Variants in MCTP1 observed in about 807,000 individuals in gnomAD.
MCTP1 encodes multiple C2 and transmembrane domain-containing protein 1.
Under a neutral mutation model 120.6 loss-of-function variants are expected in MCTP1, and 69 were observed. That is an observed-to-expected ratio of 0.57 (90% CI 0.47 to 0.70). The LOEUF (loss-of-function observed/expected upper bound fraction) is 0.70, where lower values mean the gene tolerates loss of function less well. MCTP1 is among the 30% of genes least tolerant of loss of function. The probability of loss-of-function intolerance (pLI) is 0.00; values close to 1 mark genes in which losing one functional copy is unlikely to be tolerated. For synonymous variants in MCTP1, 529 were observed against 493.1 expected, an observed-to-expected ratio of 1.07 and a Z score of -0.96; for missense variants, 1,203 against 1,248.8, an observed-to-expected ratio of 0.96 and a Z score of 0.55.
chr5:95,045,068 C>T (rs944247788), intron 1 of MCTP1, among the ~76,000 whole-genome samples: 23 of 152,168 alleles, frequency 1.5e-4, no homozygotes, highest in Admixed American at 2.6e-4. Context: ...TCCAATTTCA[C>T]CTCCAGCTAC....
intron 1 of MCTP1, among the ~76,000 whole-genome samples, chr5:95,058,299 T>A (rs1450001636): frequency 6.6e-6 from 1 of 152,240 alleles, no homozygotes; most frequent in Non-Finnish European, 1.5e-5. Flanking sequence ...TTGTGTAAAC[T>A]GTTGCATAGA....
At chr5:94,744,063 C>T (rs949672654) in intron 19 of MCTP1, among the ~76,000 whole-genome samples, 3 of 152,040 alleles carry the variant, frequency 2.0e-5, no homozygotes, top group African/African-American at 4.8e-5. Context: ...CTCTGCTTCC[C>T]GGGCTCAAGT....
chr5:94,945,034 T>TC (rs1561900191), intron 3 of MCTP1, among the ~76,000 whole-genome samples: 2 of 152,078 alleles, frequency 1.3e-5, no homozygotes, highest in African/African-American at 4.8e-5. Context: ...CATGTTATTT[T>TC]CCCCCCAAAT....
At chr5:94,712,877 G>A (rs921603980) in intron 20 of MCTP1, among the ~76,000 whole-genome samples, 2 of 151,970 alleles carry the variant, frequency 1.3e-5, no homozygotes, top group African/African-American at 4.8e-5. Flanking sequence ...TCTTCACTCA[G>A]AAAACCTTCC....
At chr5:94,955,148 C>T (rs944364784) in intron 2 of MCTP1, among the ~76,000 whole-genome samples, 2 of 152,046 alleles carry the variant, frequency 1.3e-5, no homozygotes, top group Non-Finnish European at 2.9e-5. Context: ...ACTGCCTCAC[C>T]CAGGAAGTGC....
At chr5:94,837,659 G>A (rs1215457135) in intron 17 of MCTP1, among the ~76,000 whole-genome samples, 1 of 152,158 alleles carries the variant, frequency 6.6e-6, no homozygotes, top group Admixed American at 6.5e-5. Context: ...CACAAATCTG[G>A]AGCTAGTTTT....
intron 1 of MCTP1, among the ~76,000 whole-genome samples, chr5:95,143,148 A>T (rs1192356089): frequency 6.6e-6 from 1 of 152,174 alleles, no homozygotes; most frequent in Non-Finnish European, 1.5e-5. Context: ...GCCCACCATG[A>T]AGCCCTGCTC....
At chr5:94,868,271 A>G in intron 17 of MCTP1, 62 bp downstream of exon 17, 1 of 1,445,834 alleles carries the variant, frequency 6.9e-7, no homozygotes, top group Non-Finnish European at 9.2e-7. Context: ...AGCCACAGAA[A>G]CATGCAGCTA....
rs533666404 is a variant in MCTP1 at position 95,132,904 on chromosome 5, G to A, written c.721-115420C>T. Among the ~76,000 whole-genome samples the A allele has an allele frequency of 1.4e-4, 22 of 152,286 alleles. 1 individual carries two copies. The South Asian group carries it at 4.1e-3, about 29-fold the overall frequency. ...TGTTTTGATCACCATAGTCCCTCAA[G>A]TTCCTAGTGCTGACCCCTCGCTCAA... On this transcript the variant is annotated intron_variant, in intron 1 of 22. Coordinates refer to ENST00000515393, the MANE Select transcript of MCTP1 (RefSeq NM_024717.7).
At chr5:95,079,125 A>G (rs1430457168) in intron 1 of MCTP1, among the ~76,000 whole-genome samples, 2 of 152,286 alleles carry the variant, frequency 1.3e-5, no homozygotes, top group Non-Finnish European at 2.9e-5. Flanking sequence ...TTAAAACCCA[A>G]CAAACCATCT....
intron 19 of MCTP1, among the ~76,000 whole-genome samples, chr5:94,722,854 T>C (rs759131877): frequency 6.6e-6 from 1 of 152,180 alleles, no homozygotes; most frequent in Non-Finnish European, 1.5e-5. Flanking sequence ...GTTTGGAATA[T>C]GTTTATGTTT....
chr5:95,128,601 T>A (rs925870012), intron 1 of MCTP1, among the ~76,000 whole-genome samples: 2 of 152,192 alleles, frequency 1.3e-5, no homozygotes, highest in Non-Finnish European at 2.9e-5. Flanking sequence ...TCCATTTGTA[T>A]GAAATATTCA....
intron 1 of MCTP1, among the ~76,000 whole-genome samples, chr5:95,090,350 A>G (rs959336077): frequency 1.3e-5 from 2 of 152,192 alleles, no homozygotes; most frequent in African/African-American, 4.8e-5. Flanking sequence ...TCTGTCAGCA[A>G]ATCAATTAGC....
intron 1 of MCTP1, among the ~76,000 whole-genome samples, chr5:95,244,325 G>C (rs1344982504): frequency 6.6e-6 from 1 of 152,206 alleles, no homozygotes; most frequent in Non-Finnish European, 1.5e-5. Flanking sequence ...CATTGGGACT[G>C]GTTGGACAGT....
intron 1 of MCTP1, among the ~76,000 whole-genome samples, chr5:95,256,275 G>A (rs748654839): frequency 1.3e-5 from 2 of 152,186 alleles, no homozygotes; most frequent in African/African-American, 4.8e-5. Flanking sequence ...AGTATCCTGA[G>A]GAGGTGCTGG....
intron 1 of MCTP1, among the ~76,000 whole-genome samples, chr5:95,031,177 GA>G (rs972677187): frequency 6.6e-5 from 10 of 150,962 alleles, no homozygotes; most frequent in African/African-American, 9.7e-5. Context: ...CAGTCTGAGA[GA>G]AAAAAAAAGT....
At chr5:94,755,604 A>C (rs905939419) in intron 19 of MCTP1, among the ~76,000 whole-genome samples, 4 of 152,178 alleles carry the variant, frequency 2.6e-5, no homozygotes, top group Non-Finnish European at 5.9e-5. Flanking sequence ...GACATACTTC[A>C]TTCTAGCGAT....
intron 19 of MCTP1, among the ~76,000 whole-genome samples, chr5:94,716,358 CGTT>C (rs1453190846): frequency 1.3e-5 from 2 of 150,494 alleles, no homozygotes; most frequent in Admixed American, 6.6e-5. Flanking sequence ...TCATGACAGA[CGTT>C]GGTGCATCAA....
Position 94,809,007 on chromosome 5 carries a change from A to G in MCTP1, c.2437-9875T>C, listed in dbSNP as rs186740329. Among the ~76,000 whole-genome samples the G allele has an allele frequency of 2.2e-3, 330 of 152,188 alleles. 4 individuals carry two copies. The highest frequency in any genetic ancestry group is 0.02 in the Admixed American group (306 of 15,274). On this transcript the variant is annotated intron_variant, in intron 17 of 22. Transcript: ENST00000515393. ...GTACATCAATGCTTTTTTGAAAAAC[A>G]TAGCTTGACTCTATCTATTAAAGAA...
Sources: gnomAD v4.1 joint callset for allele counts (sites outside exome capture counted in the v4.1 genomes callset) on GRCh38, gnomAD v4.1.1 for gene constraint, MANE v1.5 for transcripts, NCBI Gene and HGNC (gene_info 2026-07-23, HGNC 2026-07-21) for gene names.